The following NOTCH2NLA variants were observed in gnomAD, a reference collection of about 807,000 sequenced individuals.
NOTCH2NLA encodes notch homolog 2 N-terminal-like protein A.
At chr1:146,185,665 C>T (rs1446678052) in intron 2 of NOTCH2NLA, among the ~76,000 whole-genome samples, 1 of 130,550 alleles carries the variant, frequency 7.7e-6, no homozygotes, top group East Asian at 2.1e-4. Flanking sequence ...TAGCATTATG[C>T]TGTCTAAACA....
chr1:146,180,125 C>G (rs1463713508), intron 2 of NOTCH2NLA, among the ~76,000 whole-genome samples: 1 of 143,116 alleles, frequency 7.0e-6, no homozygotes, highest in African/African-American at 2.4e-5. Context: ...GTCCATCTAA[C>G]TTTCAGTGTT....
At chr1:146,159,393 G>GAGAGAGAA (rs1553803701) in intron 3 of NOTCH2NLA, among the ~76,000 whole-genome samples, 36 of 111,152 alleles carry the variant, frequency 3.2e-4, no homozygotes, top group Admixed American at 1.3e-3. Flanking sequence ...GAGAAAGAGA[G>GAGAGAGAA]AGAAAGAAAG....
rs370762169 is a variant in NOTCH2NLA at position 146,183,248 on chromosome 1, G to T, written c.38+6052C>A. Among the ~76,000 whole-genome samples, 514 of 127,736 alleles carry T rather than the reference G, an allele frequency of 4.0e-3. 5 individuals carry two copies. In the East Asian group the frequency reaches 0.062, roughly 15 times the overall value. The allele number at this position is 127,736 out of a possible 152,430, so 83.8% of individuals were successfully genotyped here. A position where few individuals can be genotyped will look rare whatever the true frequency, so the allele number is the denominator to read the frequency against. On this transcript the variant is annotated intron_variant, in intron 2 of 4. Coordinates refer to ENST00000362074, the Ensembl canonical transcript of NOTCH2NLA. ...CTAAGAAGCCCAAGTTAATGAACTGGTAATTATTTTATGACTTCCCAAAGA... is the reference window on the plus strand; with the variant it reads ...CTAAGAAGCCCAAGTTAATGAACTGTTAATTATTTTATGACTTCCCAAAGA...
intron 2 of NOTCH2NLA, among the ~76,000 whole-genome samples, chr1:146,175,294 A>AG (rs1424442300): frequency 1.5e-5 from 2 of 137,786 alleles, no homozygotes; most frequent in African/African-American, 2.6e-5. Context: ...CCTGGTAAAG[A>AG]GGGGAAAAAA....
intron 1 of NOTCH2NLA, among the ~76,000 whole-genome samples, chr1:146,207,815 CTTTTTTTT>C (rs74543040): frequency 2.8e-5 from 2 of 72,238 alleles, no homozygotes; most frequent in African/African-American, 5.6e-5. Context: ...ATACCACTTT[CTTTTTTTT>C]TTTTTTTTTT....
intron 2 of NOTCH2NLA, among the ~76,000 whole-genome samples, chr1:146,180,429 G>A (rs181723950): frequency 7.1e-6 from 1 of 140,656 alleles, no homozygotes; most frequent in East Asian, 2.0e-4. Flanking sequence ...TTTAGGAGAA[G>A]AGCATTTTGA....
chr1:146,228,895 G>C (rs782133593), exon 1 of NOTCH2NLA: 3 of 1,471,826 alleles, frequency 2.0e-6, no homozygotes, highest in Middle Eastern at 2.4e-4. Flanking sequence ...TGCTTCAAAG[G>C]CTCAGGCCCT....
At chr1:146,181,042 C>T (rs1662525520) in intron 2 of NOTCH2NLA, among the ~76,000 whole-genome samples, 1 of 53,108 alleles carries the variant, frequency 1.9e-5, no homozygotes, top group African/African-American at 5.6e-5. Context: ...TAAGAAACTT[C>T]ACATAAGATT....
At chr1:146,185,943 AAAGGT>A (rs1164469471) in intron 2 of NOTCH2NLA, among the ~76,000 whole-genome samples, 1 of 135,568 alleles carries the variant, frequency 7.4e-6, no homozygotes, top group East Asian at 2.0e-4. Flanking sequence ...CCACAGAAAA[AAAGGT>A]AAGGTTGGTG....
rs1382332791 is a variant in NOTCH2NLA, at chr1:146,210,553, T to C, written c.-45+18156A>G. ...CCTTGCCAACTGAGATTAGGCACTA[T>C]TATAAAAAAAGTTTTGAAAAAACAA... is the stretch of plus-strand genomic sequence containing the variant. On this transcript the variant is annotated intron_variant, in intron 1 of 4. Coordinates refer to ENST00000362074, the Ensembl canonical transcript of NOTCH2NLA. Among the ~76,000 whole-genome samples the C allele has an allele frequency of 8.0e-5, 7 of 87,606 alleles. 1 individual carries two copies. Among genetic ancestry groups the C allele is most frequent in the African/African-American group, 3.6e-4 (6 of 16,496 alleles). The allele number at this position is 87,606 out of a possible 152,430, so 57.5% of individuals were successfully genotyped here. A position where few individuals can be genotyped will look rare whatever the true frequency, so the allele number is the denominator to read the frequency against.
At chr1:146,187,995 A>G (rs1662867278) in intron 2 of NOTCH2NLA, among the ~76,000 whole-genome samples, 1 of 134,998 alleles carries the variant, frequency 7.4e-6, no homozygotes, top group African/African-American at 2.5e-5. Flanking sequence ...AGTGAAGAAA[A>G]TTATTTCTGA....
intron 1 of NOTCH2NLA, chr1:146,228,277 C>T (rs1450158706): frequency 1.3e-6 from 1 of 766,980 alleles, no homozygotes; most frequent in Admixed American, 6.2e-5. Context: ...CCCCCGCTCT[C>T]CACGCCAGAA....
At chr1:146,154,006 T>TACACACACACACACACACACAC (rs376685172), downstream of NOTCH2NLA, 1 of 91,368 alleles carries the variant, frequency 1.1e-5, no homozygotes, top group Non-Finnish European at 2.3e-5. Context: ...CACAACGCCA[T>TACACACACACACACACACACAC]ACACACACAC....
At chr1:146,174,507 C>A (rs1278067114) in intron 2 of NOTCH2NLA, among the ~76,000 whole-genome samples, 3 of 147,476 alleles carry the variant, frequency 2.0e-5, no homozygotes, top group African/African-American at 7.4e-5. Context: ...AAAAGAGAGG[C>A]ATGCTTTACA....
intron 2 of NOTCH2NLA, among the ~76,000 whole-genome samples, chr1:146,183,672 GC>G (rs1553809703): frequency 9.6e-6 from 1 of 104,220 alleles, no homozygotes; most frequent in African/African-American, 4.2e-5. Context: ...ATCTGACAAT[GC>G]CCCTGTGCCT....
At chr1:146,186,400 G>C (rs1409829241) in intron 2 of NOTCH2NLA, among the ~76,000 whole-genome samples, 1 of 139,578 alleles carries the variant, frequency 7.2e-6, no homozygotes, top group Non-Finnish European at 1.6e-5. Context: ...TGTCGCTCAG[G>C]CTGGAGTGCA....
At chr1:146,158,044 G>A (rs1383071848) in intron 3 of NOTCH2NLA, among the ~76,000 whole-genome samples, 1 of 145,312 alleles carries the variant, frequency 6.9e-6, no homozygotes, top group Non-Finnish European at 1.5e-5. Context: ...GGCAGAAAGA[G>A]AAAGAGAAAA....
exon 1 of NOTCH2NLA, chr1:146,228,928 C>A (rs373433417): frequency 1.8e-5 from 27 of 1,466,850 alleles, no homozygotes; most frequent in East Asian, 1.6e-4. Flanking sequence ...CGAAGCCCAG[C>A]GCAAATGCCT....
chr1:146,187,941 C>G (rs587608988), intron 2 of NOTCH2NLA, among the ~76,000 whole-genome samples: 2 of 135,436 alleles, frequency 1.5e-5, no homozygotes, highest in African/African-American at 5.0e-5. Context: ...ATCCAAACAA[C>G]CTATTGTTAA....
Sources: allele counts gnomAD v4.1 joint callset (sites outside exome capture counted in the v4.1 genomes callset), GRCh38; gene constraint gnomAD v4.1.1; transcripts MANE v1.5; gene names NCBI Gene and HGNC (gene_info 2026-07-23, HGNC 2026-07-21).